USP39: variants seen among roughly 807,000 people sequenced by gnomAD.
USP39 encodes ubiquitin carboxyl-terminal hydrolase 39.
USP39 carries 38 observed loss-of-function variants against 66.4 expected under a neutral mutation model. The observed-to-expected ratio is 0.57, with a 90% CI of 0.44 to 0.75. USP39 has a LOEUF of 0.75. Among genes scored for constraint, USP39 ranks in the 30% least tolerant of loss-of-function variants. USP39 has a pLI of 0.00. For missense variants in USP39, 608 were observed against 714.4 expected, an observed-to-expected ratio of 0.85 and a Z score of 1.70; for synonymous variants, 303 against 274.6, an observed-to-expected ratio of 1.10 and a Z score of -1.02.
At chr2:85,628,082 T>C (rs1675008225) in intron 5 of USP39, among the ~76,000 whole-genome samples, 1 of 152,164 alleles carries the variant, frequency 6.6e-6, no homozygotes, top group South Asian at 2.1e-4. Context: ...TCTGGAAAGG[T>C]CAAATTCTTA....
Position 85,639,227 on chromosome 2 carries a change from C to T in USP39, c.1120C>T (p.Leu374Phe). The T allele has an allele frequency of 6.2e-7, 1 of 1,612,676 alleles. No individual in the cohort carries two copies. The highest frequency in any genetic ancestry group is 1.1e-5 in the South Asian group (1 of 90,818). Residue 374 changes from leucine to phenylalanine, a missense_variant, in exon 9 of 13, where the codon CTC becomes TTC. By Grantham distance (22) the Leu-to-Phe change is conservative. This residue lies in a region of USP39 where 164 missense variants were observed against 250.3 expected (regional missense o/e 0.66). Coordinates refer to ENST00000323701, the MANE Select transcript of USP39 (RefSeq NM_006590.4). Reference protein sequence around the residue: ...DLPAEEKEQLLHNDEYQETMV... With the variant: ...DLPAEEKEQLFHNDEYQETMV... Reference sequence around the variant, plus strand: ...GCCAGCAGAAGAAAAAGAGCAGTTGCTCCATAATGACGAGTACCAGGAGAC... The same window carrying T: ...GCCAGCAGAAGAAAAAGAGCAGTTGTTCCATAATGACGAGTACCAGGAGAC...
upstream of USP39, among the ~76,000 whole-genome samples, chr2:85,612,742 C>A (rs959067460): frequency 3.3e-5 from 5 of 151,982 alleles, no homozygotes; most frequent in African/African-American, 9.7e-5. Context: ...CTCACTGCAA[C>A]CTCCGCCTCC....
upstream of USP39, chr2:85,612,177 T>C (rs748680740): frequency 3.2e-6 from 3 of 939,286 alleles, no homozygotes; most frequent in South Asian, 1.7e-5. Flanking sequence ...GAGTAGGGTA[T>C]GCTTGACTTC....
At chr2:85,636,231 G>C in intron 7 of USP39, 101 bp downstream of exon 7, 1 of 1,112,774 alleles carries the variant, frequency 9.0e-7, no homozygotes, top group Non-Finnish European at 1.3e-6. Flanking sequence ...TCTTTGAGAG[G>C]CCGAGGTGGG....
rs189977124 is a variant in USP39, at chr2:85,633,414, T to G, written c.949+2468T>G. On this transcript the variant is annotated intron_variant, in intron 6 of 12. Coordinates refer to ENST00000323701, the MANE Select transcript of USP39 (RefSeq NM_006590.4). ...CTGGGATTACAGGTGTGAACCACCA[T>G]GCCCGGCCTCATTGAAGGCTTTTAA... Among the ~76,000 whole-genome samples, 21 of 151,946 alleles carry G rather than the reference T, an allele frequency of 1.4e-4. No individual in the cohort carries two copies. In the East Asian group the frequency reaches 3.1e-3, roughly 23 times the overall value.
intron 1 of USP39, among the ~76,000 whole-genome samples, chr2:85,604,168 T>C (rs1320875540): frequency 6.6e-6 from 1 of 152,162 alleles, no homozygotes; most frequent in East Asian, 1.9e-4. Flanking sequence ...AGAAACCTTC[T>C]TGGACCCAGT....
intron 10 of USP39, among the ~76,000 whole-genome samples, chr2:85,644,300 CTTGTA>C (rs1317420247): frequency 6.6e-6 from 1 of 151,776 alleles, no homozygotes; most frequent in Non-Finnish European, 1.5e-5. Flanking sequence ...TTTATTTTAC[CTTGTA>C]TTGTGTAAGT....
chr2:85,619,153 TTGTTC>T, intron 1 of USP39, 62 bp from the exon 2 acceptor site: 1 of 1,538,626 alleles, frequency 6.5e-7, no homozygotes, highest in Non-Finnish European at 8.9e-7. Context: ...GTTTCTTTTT[TTGTTC>T]TGTTAGTTGG....
intron 1 of USP39, among the ~76,000 whole-genome samples, chr2:85,618,232 A>G (rs1404604251): frequency 6.6e-6 from 1 of 151,138 alleles, no homozygotes; most frequent in Non-Finnish European, 1.5e-5. Context: ...CTGGGATTAC[A>G]GGCATGAGCC....
upstream of USP39, among the ~76,000 whole-genome samples, chr2:85,613,210 T>TCG (rs1317577863): frequency 6.6e-6 from 1 of 151,300 alleles, no homozygotes; most frequent in East Asian, 2.0e-4. Context: ...AAAAAATACA[T>TCG]TAAAAAAGAA....
upstream of USP39, chr2:85,608,701 CAAAAAAA>C (rs5832651): frequency 3.1e-4 from 17 of 55,404 alleles, no homozygotes; most frequent in South Asian, 2.0e-3. Flanking sequence ...ACAAAATCCT[CAAAAAAA>C]AAAAAAAAAA....
chr2:85,638,686 C>A (rs181531852), intron 8 of USP39, among the ~76,000 whole-genome samples: 1 of 152,006 alleles, frequency 6.6e-6, no homozygotes, highest in Non-Finnish European at 1.5e-5. Flanking sequence ...TTACAGGCGC[C>A]ACCACCACGC....
chr2:85,642,185 G>A (rs1396056571), intron 10 of USP39, among the ~76,000 whole-genome samples: 1 of 152,106 alleles, frequency 6.6e-6, no homozygotes, highest in East Asian at 1.9e-4. Flanking sequence ...TGGAGGGTGA[G>A]GAGAGAGAAC....
At chr2:85,621,624 C>T (rs1674465218) in intron 3 of USP39, 45 bp downstream of exon 3, 10 of 1,102,570 alleles carry the variant, frequency 9.1e-6, no homozygotes, top group African/African-American at 1.7e-5. Context: ...TCCAGAGGGA[C>T]TTTTTTTTTT....
intron 11 of USP39, among the ~76,000 whole-genome samples, chr2:85,645,580 C>T (rs775692461): frequency 5.9e-5 from 9 of 152,270 alleles, no homozygotes; most frequent in South Asian, 2.1e-4. Flanking sequence ...CCGCGCCAAC[C>T]GGGAGCTTTT....
At chr2:85,603,320 A>C (rs1404325240) in intron 1 of USP39, 1 of 152,280 alleles carries the variant, frequency 6.6e-6, no homozygotes, top group Non-Finnish European at 1.5e-5. Context: ...TCAGTGTCCA[A>C]GACGTGTTTC....
At chr2:85,631,136 T>C (rs1051612610) in intron 6 of USP39, among the ~76,000 whole-genome samples, 190 bp downstream of exon 6, 1 of 151,976 alleles carries the variant, frequency 6.6e-6, no homozygotes, top group Non-Finnish European at 1.5e-5. Flanking sequence ...CGCTTCAGCC[T>C]CCCAAGTAGC....
At chr2:85,647,519 G>T (rs1348290417) in intron 11 of USP39, among the ~76,000 whole-genome samples, 1 of 151,816 alleles carries the variant, frequency 6.6e-6, no homozygotes, top group Non-Finnish European at 1.5e-5. Context: ...AAATTAGCCA[G>T]TTTTAGTGGC....
At chr2:85,626,303 G>A (rs1260217997) in intron 5 of USP39, among the ~76,000 whole-genome samples, 1 of 152,174 alleles carries the variant, frequency 6.6e-6, no homozygotes. Flanking sequence ...AGGTTGCAGT[G>A]AGCTGAGATC....
Sources: allele counts gnomAD v4.1 joint callset (sites outside exome capture counted in the v4.1 genomes callset), GRCh38; gene constraint gnomAD v4.1.1; regional missense constraint gnomAD v4.1.1; transcripts MANE v1.5; gene names NCBI Gene and HGNC (gene_info 2026-07-23, HGNC 2026-07-21).